Variants in SDR42E2 observed in about 807,000 individuals in gnomAD.
SDR42E2 encodes the protein short chain dehydrogenase/reductase family 42E, member 2.
Under a neutral mutation model 10.5 loss-of-function variants are expected in SDR42E2, and 20 were observed. The observed-to-expected ratio is 1.90, with a 90% CI of 1.34 to 2.77. SDR42E2 has a LOEUF of 2.77. Ranked by LOEUF, SDR42E2 falls within the 30% of genes most tolerant of loss-of-function variation. The probability of loss-of-function intolerance (pLI) is 0.00; values close to 1 mark genes in which losing one functional copy is unlikely to be tolerated. For missense variants in SDR42E2, 162 were observed against 104.2 expected (o/e 1.55, Z -2.42); for synonymous variants, 72 against 39.2 (o/e 1.84, Z -3.12).
At chr16:22,176,112 C>G (rs2046642881) in intron 7 of SDR42E2, among the ~76,000 whole-genome samples, 1 of 151,220 alleles carries the variant, frequency 6.6e-6, no homozygotes, top group Non-Finnish European at 1.5e-5. Flanking sequence ...TTTCAAATAG[C>G]TAGAAGAGTG....
Position 22,190,493 on chromosome 16 carries a change from T to C in SDR42E2, c.*100T>C. 2.5e-6 allele frequency: 1 copy of C among 399,592 alleles called. No homozygotes were observed. The highest frequency in any genetic ancestry group is 3.6e-5 in the East Asian group (1 of 28,048). 24.8% of individuals were successfully genotyped at this position (399,592 alleles called of 1,614,324 possible). ...CAGCCCCTGCCCCGCCTTCTGGGTT[T>C]GAGCGCGCCTCCGCTCCGCCCCTTG... On this transcript the variant is annotated 3_prime_UTR_variant, in exon 13 of 13. Coordinates refer to ENST00000602312, the MANE Select transcript of SDR42E2 (RefSeq NM_001394319.2).
At chr16:22,168,996 C>G (rs957399359) in intron 4 of SDR42E2, among the ~76,000 whole-genome samples, 1 of 152,142 alleles carries the variant, frequency 6.6e-6, no homozygotes, top group Non-Finnish European at 1.5e-5. Flanking sequence ...CACAGGAGCC[C>G]TCACAGCGGC....
intron 7 of SDR42E2, among the ~76,000 whole-genome samples, chr16:22,175,990 TA>T (rs879892114): frequency 0.025 from 3,515 of 141,298 alleles, 88 homozygotes; most frequent in African/African-American, 0.073. Context: ...AAGACTCTAT[TA>T]AAAAAAAAAA....
At chr16:22,183,120 C>T (rs572923889) in intron 10 of SDR42E2, among the ~76,000 whole-genome samples, 13 of 152,102 alleles carry the variant, frequency 8.5e-5, no homozygotes, top group South Asian at 4.2e-4. Context: ...TGCTTCCAGG[C>T]GTTTGTTTTG....
intron 7 of SDR42E2, among the ~76,000 whole-genome samples, 152 bp downstream of exon 7, chr16:22,172,483 C>T (rs569436363): frequency 6.6e-6 from 1 of 152,320 alleles, no homozygotes; most frequent in African/African-American, 2.4e-5. Flanking sequence ...TCATTCAGCA[C>T]ATTCTGAGCA....
At chr16:22,185,933 G>A (rs1239386113) in intron 11 of SDR42E2, among the ~76,000 whole-genome samples, 6 of 151,426 alleles carry the variant, frequency 4.0e-5, no homozygotes, top group African/African-American at 1.5e-4. Flanking sequence ...TAGAGATGAG[G>A]GCGTCTCACT....
chr16:22,172,981 A>AT (rs1252635402), intron 7 of SDR42E2, among the ~76,000 whole-genome samples: 9 of 152,034 alleles, frequency 5.9e-5, no homozygotes, highest in Admixed American at 5.9e-4. Flanking sequence ...GGGTCTCACT[A>AT]TGTCATCCAG....
chr16:22,190,012 T>A (rs2046760671), intron 12 of SDR42E2, 127 bp from the exon 13 acceptor site: 1 of 399,604 alleles, frequency 2.5e-6, no homozygotes, highest in African/African-American at 2.1e-5. Flanking sequence ...TGCACTCGGG[T>A]CCTTTTAAAT....
intron 7 of SDR42E2, among the ~76,000 whole-genome samples, chr16:22,174,281 C>T (rs913805814): frequency 2.0e-5 from 3 of 151,818 alleles, no homozygotes; most frequent in Non-Finnish European, 4.4e-5. Flanking sequence ...TGCAGTGAGC[C>T]GAGATTGTGC....
intron 1 of SDR42E2, among the ~76,000 whole-genome samples, chr16:22,163,804 T>C (rs1247117446): frequency 6.6e-6 from 1 of 151,976 alleles, no homozygotes; most frequent in Non-Finnish European, 1.5e-5. Context: ...ACAGAGGAAA[T>C]TAAAAATACA....
At chr16:22,187,077 C>T (rs1377365872) in intron 12 of SDR42E2, among the ~76,000 whole-genome samples, 2 of 152,150 alleles carry the variant, frequency 1.3e-5, no homozygotes, top group Admixed American at 6.5e-5. Context: ...AGCATCTTGT[C>T]TTTCCAGCCA....
At chr16:22,172,068 G>C (rs552498540) in intron 6 of SDR42E2, among the ~76,000 whole-genome samples, 188 bp from the exon 7 acceptor site, 7 of 152,274 alleles carry the variant, frequency 4.6e-5, no homozygotes, top group African/African-American at 1.7e-4. Flanking sequence ...GTGCTCCTCT[G>C]CTCCTGTGGC....
At chr16:22,180,627 C>T (rs773997535) in intron 8 of SDR42E2, among the ~76,000 whole-genome samples, 12 of 152,016 alleles carry the variant, frequency 7.9e-5, no homozygotes, top group South Asian at 2.1e-4. Context: ...CGCTTGAGCC[C>T]GGGAGTTCAA....
Position 22,165,417 on chromosome 16 carries a change from G to A in SDR42E2, c.-36-130G>A, listed in dbSNP as rs77471839. ...CTGGAGATTCTTGAGATTCTGAAAG[G>A]GGCAGGTTCCCTGGGAACTCAGAGA... On this transcript the variant is annotated intron_variant, in intron 1 of 12. Coordinates refer to ENST00000602312, the MANE Select transcript of SDR42E2 (RefSeq NM_001394319.2). 9.7e-3 allele frequency among the ~76,000 whole-genome samples: 1,476 copies of A among 152,308 alleles called. 26 individuals are homozygous for A. Among genetic ancestry groups the A allele is most frequent in the African/African-American group, 0.034 (1,418 of 41,572 alleles).
intron 11 of SDR42E2, among the ~76,000 whole-genome samples, chr16:22,185,890 C>T (rs1421228131): frequency 6.6e-6 from 1 of 152,096 alleles, no homozygotes; most frequent in Non-Finnish European, 1.5e-5. Context: ...AACAGGCATG[C>T]ACCTCCATGC....
At chr16:22,176,791 C>T (rs774468546) in intron 7 of SDR42E2, among the ~76,000 whole-genome samples, 8 of 152,154 alleles carry the variant, frequency 5.3e-5, no homozygotes, top group Non-Finnish European at 1.0e-4. Context: ...AACCCCAGAC[C>T]GCCCCAGGAG....
intron 7 of SDR42E2, 134 bp downstream of exon 7, chr16:22,172,465 C>A: frequency 1.5e-6 from 1 of 664,166 alleles, no homozygotes; most frequent in Non-Finnish European, 2.7e-6. Flanking sequence ...CAGGGCCTTG[C>A]CCATTCATCA....
At chr16:22,163,540 C>T (rs1429697641) in intron 1 of SDR42E2, among the ~76,000 whole-genome samples, 1 of 152,118 alleles carries the variant, frequency 6.6e-6, no homozygotes, top group African/African-American at 2.4e-5. Context: ...ACCCCCGTCT[C>T]TACTAAAAAT....
chr16:22,181,980 A>G (rs2046699405), intron 9 of SDR42E2, among the ~76,000 whole-genome samples: 1 of 152,202 alleles, frequency 6.6e-6, no homozygotes, highest in African/African-American at 2.4e-5. Context: ...TTATCCTCCC[A>G]TTTCTCAGAT....
Sources: gnomAD v4.1 joint callset for allele counts (sites outside exome capture counted in the v4.1 genomes callset) on GRCh38, gnomAD v4.1.1 for gene constraint, MANE v1.5 for transcripts, NCBI Gene and HGNC (gene_info 2026-07-23, HGNC 2026-07-21) for gene names.